Variants in CSMD2 observed in about 807,000 individuals in gnomAD.
CSMD2 encodes the protein CUB and sushi domain-containing protein 2.
A neutral mutation model predicts 398.5 loss-of-function variants in CSMD2; 130 were observed. The observed-to-expected ratio is 0.33, with a 90% CI of 0.28 to 0.38. The LOEUF is 0.38. CSMD2 is among the 10% of genes least tolerant of loss of function. CSMD2 has a pLI of 1.00. For missense variants in CSMD2, 3,829 were observed against 4,764.9 expected, an observed-to-expected ratio of 0.80 and a Z score of 5.78; for synonymous variants, 1,828 against 1,908.5, an observed-to-expected ratio of 0.96 and a Z score of 1.10.
chr1:33,789,813 A>G (rs1225035703), intron 11 of CSMD2, among the ~76,000 whole-genome samples: 1 of 152,204 alleles, frequency 6.6e-6, no homozygotes, highest in Non-Finnish European at 1.5e-5. Context: ...TGGCCAGGCC[A>G]GTGCTGGCTC....
At chr1:33,830,602 G>A (rs1365668925) in intron 6 of CSMD2, among the ~76,000 whole-genome samples, 8 of 152,250 alleles carry the variant, frequency 5.3e-5, no homozygotes, top group East Asian at 1.9e-4. Flanking sequence ...AAAGCAGAGC[G>A]CCTCTCCTCC....
At chr1:33,689,117 A>G (rs1460102071) in intron 25 of CSMD2, among the ~76,000 whole-genome samples, 1 of 148,600 alleles carries the variant, frequency 6.7e-6, no homozygotes, top group Non-Finnish European at 1.5e-5. Flanking sequence ...AGTGGGAAAG[A>G]AGAAGGGAAG....
intron 5 of CSMD2, among the ~76,000 whole-genome samples, chr1:33,912,650 T>G (rs1004698335): frequency 3.3e-5 from 5 of 152,054 alleles, no homozygotes; most frequent in African/African-American, 9.7e-5. Flanking sequence ...GGTAGTTGTC[T>G]CCTGAATGCC....
At chr1:33,618,661 T>C (rs1463503045) in intron 37 of CSMD2, among the ~76,000 whole-genome samples, 2 of 151,952 alleles carry the variant, frequency 1.3e-5, no homozygotes, top group Non-Finnish European at 2.9e-5. Context: ...TGCCAGTCCA[T>C]ACCATCTTCC....
chr1:33,771,556 TTTC>T (rs1273773234), intron 13 of CSMD2, among the ~76,000 whole-genome samples: 5 of 152,160 alleles, frequency 3.3e-5, no homozygotes, highest in Non-Finnish European at 7.4e-5. Context: ...GATTTTTTTT[TTTC>T]ATTTAAAAAG....
At chr1:34,102,594 TC>T (rs1327011074) in intron 1 of CSMD2, among the ~76,000 whole-genome samples, 1 of 82,302 alleles carries the variant, frequency 1.2e-5, no homozygotes, top group Non-Finnish European at 3.0e-5. Context: ...ATCCCTGTAA[TC>T]CGGCCATATC....
At chr1:33,707,075 G>A (rs1027159110) in intron 22 of CSMD2, among the ~76,000 whole-genome samples, 8 of 152,044 alleles carry the variant, frequency 5.3e-5, no homozygotes, top group African/African-American at 1.4e-4. Flanking sequence ...GAACCCTGAC[G>A]GTGCCGTTGA....
chr1:33,722,681 C>T (rs1185112335), intron 19 of CSMD2, among the ~76,000 whole-genome samples: 2 of 129,632 alleles, frequency 1.5e-5, no homozygotes, highest in Non-Finnish European at 3.2e-5. Context: ...TCACATGTTG[C>T]GATTTTTTTT....
chr1:33,849,780 T>C (rs780903257), intron 5 of CSMD2, among the ~76,000 whole-genome samples: 1 of 151,994 alleles, frequency 6.6e-6, no homozygotes. Flanking sequence ...TATTTACTTA[T>C]ATTTTGGATA....
At chr1:33,731,949 G>A (rs183663208) in intron 15 of CSMD2, among the ~76,000 whole-genome samples, 128 of 152,218 alleles carry the variant, frequency 8.4e-4, no homozygotes, top group Admixed American at 7.5e-3. Context: ...GGAATGGGTG[G>A]GGATATAAAT....
chr1:33,816,155 G>A (rs191034419), intron 9 of CSMD2, among the ~76,000 whole-genome samples: 1 of 152,210 alleles, frequency 6.6e-6, no homozygotes, highest in East Asian at 1.9e-4. Flanking sequence ...TTTAACTTAG[G>A]TCTCTAAGTC....
chr1:33,634,987 C>A (rs569250908), intron 31 of CSMD2, among the ~76,000 whole-genome samples: 1 of 152,282 alleles, frequency 6.6e-6, no homozygotes, highest in East Asian at 1.9e-4. Flanking sequence ...AACTCTGTCC[C>A]CTTGGTTCTG....
intron 10 of CSMD2, among the ~76,000 whole-genome samples, chr1:33,808,811 A>C (rs1477261760): frequency 1.3e-5 from 2 of 152,088 alleles, no homozygotes; most frequent in East Asian, 3.9e-4. Flanking sequence ...TTTTCTGGAA[A>C]GACTAACAAA....
intron 1 of CSMD2, among the ~76,000 whole-genome samples, chr1:34,154,059 G>C (rs1394312649): frequency 1.3e-5 from 2 of 152,148 alleles, no homozygotes; most frequent in Non-Finnish European, 2.9e-5. Context: ...TAAGGCAAGA[G>C]ATCCAATTTT....
At position 33,555,684 on chromosome 1, in the gene CSMD2, A is replaced by C. The variant is rs141957861; in HGVS notation, c.8743+2050T>G. ...TCAACATTGAGGCAAAGTCTCCACCAGCGAAGAGTATGACTTGCTAAGGGC... is the reference window on the plus strand; with the variant it reads ...TCAACATTGAGGCAAAGTCTCCACCCGCGAAGAGTATGACTTGCTAAGGGC... On this transcript the variant is annotated intron_variant, in intron 55 of 70. Transcript: ENST00000373381. Among the ~76,000 whole-genome samples the C allele has an allele frequency of 9.4e-3, 1,433 of 152,338 alleles. 26 individuals are homozygous for C. The highest frequency in any genetic ancestry group is 0.033 in the African/African-American group (1,353 of 41,570).
intron 4 of CSMD2, among the ~76,000 whole-genome samples, chr1:33,931,511 G>C (rs1388643221): frequency 6.6e-6 from 1 of 151,928 alleles, no homozygotes; most frequent in Non-Finnish European, 1.5e-5. Context: ...AGCCCTAGGG[G>C]GTCTGAGAGT....
chr1:33,981,582 C>G (rs1646167861), intron 3 of CSMD2, among the ~76,000 whole-genome samples: 1 of 152,386 alleles, frequency 6.6e-6, no homozygotes, highest in Non-Finnish European at 1.5e-5. Flanking sequence ...CCGTCCTACT[C>G]TATATCTGGC....
chr1:33,831,964 A>C (rs1216076110), intron 6 of CSMD2, among the ~76,000 whole-genome samples: 2 of 143,344 alleles, frequency 1.4e-5, no homozygotes, highest in Non-Finnish European at 1.6e-5. Context: ...AGAGCTAACT[A>C]TCTTAAATAT....
intron 5 of CSMD2, among the ~76,000 whole-genome samples, chr1:33,901,983 TCTTAAA>T (rs368051501): frequency 1.2e-3 from 190 of 152,252 alleles, no homozygotes; most frequent in African/African-American, 4.4e-3. Context: ...CCAGGGTAAC[TCTTAAA>T]CTTAAATCTA....
Sources: gnomAD v4.1 joint callset for allele counts (sites outside exome capture counted in the v4.1 genomes callset) on GRCh38, gnomAD v4.1.1 for gene constraint, MANE v1.5 for transcripts, NCBI Gene and HGNC (gene_info 2026-07-23, HGNC 2026-07-21) for gene names.